Variants in RAB11FIP4 observed in about 807,000 individuals in gnomAD.
RAB11FIP4 encodes rab11 family-interacting protein 4.
Under a neutral mutation model 74.3 loss-of-function variants are expected in RAB11FIP4, and 23 were observed. That is an observed-to-expected ratio of 0.31 (90% CI 0.22 to 0.44). The LOEUF (loss-of-function observed/expected upper bound fraction) is 0.44. RAB11FIP4 is among the 20% of genes least tolerant of loss of function. RAB11FIP4 has a pLI of 1.00. For missense variants in RAB11FIP4, 630 were observed against 863.9 expected (o/e 0.73, Z 3.39); for synonymous variants, 360 against 359.9 (o/e 1.00, Z 0.00).
At chr17:31,400,427 G>A (rs1468150109) in intron 1 of RAB11FIP4, among the ~76,000 whole-genome samples, 2 of 152,198 alleles carry the variant, frequency 1.3e-5, no homozygotes, top group African/African-American at 4.8e-5. Flanking sequence ...CTTCCCTGCA[G>A]GGGCTTTGGC....
intron 3 of RAB11FIP4, among the ~76,000 whole-genome samples, chr17:31,456,751 G>A (rs1352359824): frequency 6.6e-6 from 1 of 152,040 alleles, no homozygotes; most frequent in East Asian, 1.9e-4. Flanking sequence ...AGCTATGAAT[G>A]TGTCTTTTAT....
rs2072983537 is a variant in RAB11FIP4 at position 31,537,384 on chromosome 17, TG to T, written c.*5658del. 2 of 396,334 alleles carry T rather than the reference TG, an allele frequency of 5.0e-6. No individual in the cohort carries two copies. The highest frequency in any genetic ancestry group is 4.4e-6 in the Non-Finnish European group (1 of 224,832). The allele number at this position is 396,334 out of a possible 1,614,324, so 24.6% of individuals were successfully genotyped here. ...GAATCTTTCATTATTGTCTTAAGCA[TG>T]GGGGGCTAGGACCCACTTAGTCCCT... On this transcript the variant is annotated 3_prime_UTR_variant, in exon 15 of 15. Coordinates refer to ENST00000621161, the MANE Select transcript of RAB11FIP4 (RefSeq NM_032932.6).
At chr17:31,446,841 A>T (rs896709963) in intron 3 of RAB11FIP4, among the ~76,000 whole-genome samples, 2 of 152,196 alleles carry the variant, frequency 1.3e-5, no homozygotes, top group East Asian at 3.8e-4. Flanking sequence ...GTCCAACATT[A>T]AAACAAACAT....
rs753654133 is a variant in RAB11FIP4, at chr17:31,434,020, G to C, written c.248-14G>C. 10 of 1,573,634 alleles carry C rather than the reference G, an allele frequency of 6.4e-6. No homozygotes were observed. Among genetic ancestry groups the C allele is most frequent in the Non-Finnish European group, 6.8e-6 (8 of 1,168,394 alleles). ...CAACCCCTCACTGTCCCGTGTGTCT[G>C]CCTGTCTGCGCAGGGTGCGAGGAGC... On this transcript the variant is annotated splice_polypyrimidine_tract_variant and intron_variant, in intron 2 of 14. Coordinates refer to ENST00000621161, the MANE Select transcript of RAB11FIP4 (RefSeq NM_032932.6).
At chr17:31,446,311 AC>A (rs1477196932) in intron 3 of RAB11FIP4, among the ~76,000 whole-genome samples, 1 of 151,810 alleles carries the variant, frequency 6.6e-6, no homozygotes, top group Non-Finnish European at 1.5e-5. Flanking sequence ...TGATCTAAAC[AC>A]CCCTTGCAGC....
chr17:31,485,861 CT>C (rs1454469579), intron 3 of RAB11FIP4, among the ~76,000 whole-genome samples: 2 of 152,186 alleles, frequency 1.3e-5, no homozygotes, highest in African/African-American at 4.8e-5. Flanking sequence ...GGAAATAAGA[CT>C]CAATTCAAAC....
intron 1 of RAB11FIP4, among the ~76,000 whole-genome samples, chr17:31,393,767 G>T (rs1380827216): frequency 1.3e-5 from 2 of 152,092 alleles, no homozygotes; most frequent in Non-Finnish European, 2.9e-5. Flanking sequence ...AGTTCCTGAA[G>T]CCCTAGGCCA....
At chr17:31,417,292 G>T (rs1212555290) in intron 1 of RAB11FIP4, among the ~76,000 whole-genome samples, 6 of 152,100 alleles carry the variant, frequency 3.9e-5, no homozygotes, top group African/African-American at 1.2e-4. Context: ...CCTCCAGAGG[G>T]TCCCTTCCCC....
At position 31,535,666 on chromosome 17, in the gene RAB11FIP4, G is replaced by A. The variant is rs1226132502; in HGVS notation, c.*3934G>A. 1 of 152,326 alleles carries A rather than the reference G, an allele frequency of 6.6e-6. No homozygotes were observed. The highest frequency in any genetic ancestry group is 2.4e-5 in the African/African-American group (1 of 41,450). 9.4% of individuals were successfully genotyped at this position (152,326 alleles called of 1,614,324 possible). On this transcript the variant is annotated 3_prime_UTR_variant, in exon 15 of 15. Transcript: ENST00000621161. ...CCTTCAGGAGCTGGTGGATCCAGCTGTTCTCACCAGCCTGGAGGTTAGCAG... is the reference window on the plus strand; with the variant it reads ...CCTTCAGGAGCTGGTGGATCCAGCTATTCTCACCAGCCTGGAGGTTAGCAG...
rs192632306 is a variant in RAB11FIP4 at position 31,460,782 on chromosome 17, G to A, written c.336+26660G>A. Among the ~76,000 whole-genome samples, 20 of 152,200 alleles carry A rather than the reference G, an allele frequency of 1.3e-4. No individual in the cohort carries two copies. The East Asian group carries it at 3.9e-3, about 29-fold the overall frequency. ...GTCTCACTCTGTCACCCAGGCTGGA[G>A]TGCAGTGGTGTGATCCTAGCTCATT... On this transcript the variant is annotated intron_variant, in intron 3 of 14. Coordinates refer to ENST00000621161, the MANE Select transcript of RAB11FIP4 (RefSeq NM_032932.6).
At chr17:31,395,310 C>A (rs1257103529) in intron 1 of RAB11FIP4, among the ~76,000 whole-genome samples, 1 of 152,044 alleles carries the variant, frequency 6.6e-6, no homozygotes, top group Non-Finnish European at 1.5e-5. Flanking sequence ...TTGATAATTG[C>A]CCCATTGAGG....
At chr17:31,418,463 ATT>A (rs71142049) in intron 1 of RAB11FIP4, among the ~76,000 whole-genome samples, 2 of 134,260 alleles carry the variant, frequency 1.5e-5, no homozygotes, top group African/African-American at 2.8e-5. Flanking sequence ...AGTTCCCTTG[ATT>A]TTTTTTTTTT....
intron 3 of RAB11FIP4, among the ~76,000 whole-genome samples, chr17:31,436,810 C>T (rs368969624): frequency 3.5e-5 from 5 of 143,420 alleles, no homozygotes; most frequent in Non-Finnish European, 6.0e-5. Flanking sequence ...TTTTTTGAGA[C>T]GGCATCTTGC....
chr17:31,484,524 G>A (rs1046717794), intron 3 of RAB11FIP4, among the ~76,000 whole-genome samples: 2 of 152,032 alleles, frequency 1.3e-5, no homozygotes, highest in South Asian at 2.1e-4. Context: ...CTTAGCCCCC[G>A]TTTGAACCAA....
intron 3 of RAB11FIP4, among the ~76,000 whole-genome samples, chr17:31,467,445 A>C (rs1411426739): frequency 2.0e-5 from 3 of 152,112 alleles, no homozygotes; most frequent in Non-Finnish European, 4.4e-5. Context: ...AGAAAAAAAC[A>C]GAAAGCAGTC....
At chr17:31,513,703 T>A (rs951552616) in intron 3 of RAB11FIP4, among the ~76,000 whole-genome samples, 3 of 152,270 alleles carry the variant, frequency 2.0e-5, no homozygotes, top group African/African-American at 7.2e-5. Context: ...TAATTAAAAT[T>A]TCCGATTGCC....
intron 3 of RAB11FIP4, chr17:31,509,382 A>T (rs747792987): frequency 6.6e-6 from 1 of 152,222 alleles, no homozygotes; most frequent in Non-Finnish European, 1.5e-5. Flanking sequence ...GAGCGCAGCA[A>T]CCAGGTGTCT....
intron 9 of RAB11FIP4, 55 bp from the exon 10 acceptor site, chr17:31,525,035 G>A: frequency 6.5e-7 from 1 of 1,548,756 alleles, no homozygotes; most frequent in Non-Finnish European, 8.7e-7. Context: ...GCCACAGCCT[G>A]GGTTGGGGTG....
At chr17:31,479,651 G>A (rs964822424) in intron 3 of RAB11FIP4, among the ~76,000 whole-genome samples, 2 of 152,194 alleles carry the variant, frequency 1.3e-5, no homozygotes, top group African/African-American at 2.4e-5. Flanking sequence ...ATTATCACTG[G>A]AGAAGACAGG....
Sources: allele counts gnomAD v4.1 joint callset (sites outside exome capture counted in the v4.1 genomes callset), GRCh38; gene constraint gnomAD v4.1.1; transcripts MANE v1.5; gene names NCBI Gene and HGNC (gene_info 2026-07-23, HGNC 2026-07-21).